The following TBC1D14 variants were observed in gnomAD, a reference collection of about 807,000 sequenced individuals.
TBC1D14 encodes TBC1 domain family, member 14.
A neutral mutation model predicts 79.0 loss-of-function variants in TBC1D14; 26 were observed. The ratio of observed to expected loss-of-function variants is 0.33; its 90% CI spans 0.24 to 0.46. TBC1D14 has a LOEUF of 0.46. Among genes scored for constraint, TBC1D14 ranks in the 20% least tolerant of loss-of-function variants. TBC1D14 has a pLI of 1.00. For synonymous variants in TBC1D14, 394 were observed against 349.9 expected (o/e 1.13, Z -1.40); for missense variants, 769 against 887.6 (o/e 0.87, Z 1.70).
Position 6,935,596 on chromosome 4 carries a change from T to C in TBC1D14, c.722+11485T>C, listed in dbSNP as rs369068832. 6.6e-5 allele frequency among the ~76,000 whole-genome samples: 10 copies of C among 152,092 alleles called. No homozygotes were observed. The East Asian group carries it at 1.4e-3, about 21-fold the overall frequency. On this transcript the variant is annotated intron_variant, in intron 2 of 13. Transcript: ENST00000409757. ...TCCCTCTCCCTCTCTCCCCCTTCCATGCTTGTAGTCTATTGTTTGTAGTGT... is the reference window on the plus strand; with the variant it reads ...TCCCTCTCCCTCTCTCCCCCTTCCACGCTTGTAGTCTATTGTTTGTAGTGT...
chr4:6,989,627 G>C (rs1448490046), intron 3 of TBC1D14, among the ~76,000 whole-genome samples: 2 of 152,202 alleles, frequency 1.3e-5, no homozygotes, highest in East Asian at 3.9e-4. Flanking sequence ...CCCCTGTCGA[G>C]TGAGCCCTGC....
intron 2 of TBC1D14, among the ~76,000 whole-genome samples, chr4:6,945,257 T>C (rs1713318121): frequency 6.6e-6 from 1 of 152,090 alleles, no homozygotes; most frequent in Admixed American, 6.5e-5. Flanking sequence ...CCTGCTGGGT[T>C]AGGAATCAGC....
rs752446802 is a variant in TBC1D14, at chr4:6,967,430, C to G, written c.843+6C>G. On this transcript the variant is annotated splice_donor_region_variant and intron_variant, in intron 3 of 13. Coordinates refer to ENST00000409757, the MANE Select transcript of TBC1D14 (RefSeq NM_020773.3). ...ATTCAAAGAGAATACAGAAGGTACACAAGATACAAAATCACAGAAATAGGC... is the reference window on the plus strand; with the variant it reads ...ATTCAAAGAGAATACAGAAGGTACAGAAGATACAAAATCACAGAAATAGGC... 6 of 1,611,060 alleles carry G rather than the reference C, an allele frequency of 3.7e-6. No individual in the cohort carries two copies. In the South Asian group the frequency reaches 6.6e-5, roughly 18 times the overall value.
intron 3 of TBC1D14, among the ~76,000 whole-genome samples, chr4:6,978,617 G>T (rs1413859062): frequency 3.4e-5 from 5 of 148,196 alleles, no homozygotes; most frequent in Non-Finnish European, 7.4e-5. Flanking sequence ...AGGCCGCAGG[G>T]TCCTCTGCAT....
intron 2 of TBC1D14, among the ~76,000 whole-genome samples, chr4:6,950,342 CTG>C (rs1713917594): frequency 6.6e-6 from 1 of 152,212 alleles, no homozygotes; most frequent in African/African-American, 2.4e-5. Context: ...TGGATCCTCT[CTG>C]TAGAAAATCG....
chr4:6,972,427 C>T lies in TBC1D14; in HGVS notation c.843+5003C>T, dbSNP rs185033506. Among the ~76,000 whole-genome samples the T allele has an allele frequency of 2.0e-3, 304 of 152,270 alleles. 1 individual carries two copies. Among genetic ancestry groups the T allele is most frequent in the Non-Finnish European group, 2.7e-3 (182 of 68,018 alleles). On this transcript the variant is annotated intron_variant, in intron 3 of 13. Coordinates refer to ENST00000409757, the MANE Select transcript of TBC1D14 (RefSeq NM_020773.3). ...TCCTTGGCCATCAGCAGCATTACCC[C>T]GGCTCCTTGAGTGACTTTCTTGCCT... is the stretch of plus-strand genomic sequence containing the variant.
At chr4:6,954,339 G>A (rs1714418232) in intron 2 of TBC1D14, 2 of 717,382 alleles carry the variant, frequency 2.8e-6, no homozygotes, top group African/African-American at 3.5e-5. Context: ...TCATGGACAG[G>A]TTTGTGGCTG....
intron 3 of TBC1D14, among the ~76,000 whole-genome samples, chr4:6,974,789 C>G (rs1047886202): frequency 2.0e-5 from 3 of 151,396 alleles, no homozygotes; most frequent in African/African-American, 7.3e-5. Flanking sequence ...GAATGCAGTT[C>G]AAAATTAATT....
chr4:7,016,855 G>A (rs1458877694), intron 12 of TBC1D14, among the ~76,000 whole-genome samples: 2 of 152,206 alleles, frequency 1.3e-5, no homozygotes, highest in Admixed American at 6.5e-5. Flanking sequence ...GTCTGCTTCT[G>A]TCCCAGCCTG....
chr4:6,942,663 T>G (rs551487699), intron 2 of TBC1D14, among the ~76,000 whole-genome samples: 2 of 152,168 alleles, frequency 1.3e-5, no homozygotes, highest in East Asian at 3.9e-4. Flanking sequence ...ACACATTTTC[T>G]GTGGTGGGAG....
At chr4:6,911,609 G>T (rs1326910562) in intron 1 of TBC1D14, among the ~76,000 whole-genome samples, 2 of 152,218 alleles carry the variant, frequency 1.3e-5, no homozygotes, top group Admixed American at 1.3e-4. Flanking sequence ...TCTGCATTGG[G>T]TCCGCTGTCT....
intron 3 of TBC1D14, chr4:6,987,557 C>T: frequency 2.4e-6 from 1 of 416,102 alleles, no homozygotes. Context: ...GATGCGCTCT[C>T]CTCCCTGGTA....
rs1235399727 is a variant in TBC1D14, at chr4:6,988,048, G to C, written c.844-6136G>C. Among the ~76,000 whole-genome samples the C allele has an allele frequency of 2.0e-5, 3 of 152,208 alleles. No individual in the cohort carries two copies. The East Asian group carries it at 5.8e-4, about 29-fold the overall frequency. On this transcript the variant is annotated intron_variant, in intron 3 of 13. Coordinates refer to ENST00000409757, the MANE Select transcript of TBC1D14 (RefSeq NM_020773.3). ...GTGGCTTTACTTACTGTGAGGTCAG[G>C]CTTCAGGGGTTAGCCGGGGCTGCCT...
At chr4:6,974,462 C>T (rs1250016626) in intron 3 of TBC1D14, among the ~76,000 whole-genome samples, 1 of 152,092 alleles carries the variant, frequency 6.6e-6, no homozygotes, top group Non-Finnish European at 1.5e-5. Context: ...TAATGAACTC[C>T]CAGACTTCTC....
intron 2 of TBC1D14, among the ~76,000 whole-genome samples, chr4:6,926,570 A>G (rs1185931836): frequency 2.0e-5 from 3 of 152,230 alleles, no homozygotes; most frequent in South Asian, 4.1e-4. Context: ...CTTTGGGAAG[A>G]TAATGGAATA....
At chr4:6,989,047 T>C (rs577923355) in intron 3 of TBC1D14, among the ~76,000 whole-genome samples, 7 of 152,110 alleles carry the variant, frequency 4.6e-5, no homozygotes, top group Non-Finnish European at 8.8e-5. Context: ...GGCTTAGGAA[T>C]ACTTCTTCAT....
In TBC1D14 at chr4:7,030,347, A is replaced by G. The variant is rs1293984236; in HGVS notation, c.2037A>G (p.Lys679=). 6 of 1,613,924 alleles carry G rather than the reference A, an allele frequency of 3.7e-6. No homozygotes were observed. Among genetic ancestry groups the G allele is most frequent in the Non-Finnish European group, 5.1e-6 (6 of 1,179,924 alleles). Residue 679 remains lysine (K), a synonymous_variant, in exon 14 of 14, where the codon AAA becomes AAG. Transcript: ENST00000409757. The stretch of plus-strand genomic sequence containing the variant: ...TCTAGGTACTGACTGCATTGCAGAA[A>G]GACAGCCGGGAAATGGAGAAGGGAA... ...KWAQVLTALQ[K]DSREMEKGSP...
chr4:6,997,832 A>G (rs1293575535), intron 5 of TBC1D14, among the ~76,000 whole-genome samples: 1 of 152,144 alleles, frequency 6.6e-6, no homozygotes, highest in Non-Finnish European at 1.5e-5. Context: ...CTCAGAGACA[A>G]AAAGTAGAAT....
At chr4:7,000,603 C>G (rs1011871521) in intron 6 of TBC1D14, among the ~76,000 whole-genome samples, 1 of 152,222 alleles carries the variant, frequency 6.6e-6, no homozygotes, top group Non-Finnish European at 1.5e-5. Flanking sequence ...CTGAAGGACT[C>G]TGTACAGCCT....
Sources: allele counts gnomAD v4.1 joint callset (sites outside exome capture counted in the v4.1 genomes callset), GRCh38; gene constraint gnomAD v4.1.1; transcripts MANE v1.5; gene names NCBI Gene and HGNC (gene_info 2026-07-23, HGNC 2026-07-21).